Variants in AK8 observed in about 807,000 individuals in gnomAD.
AK8 encodes the protein ATP-AMP transphosphorylase 8.
AK8 carries 44 observed loss-of-function variants against 54.6 expected under a neutral mutation model. That is an observed-to-expected ratio of 0.81 (90% CI 0.63 to 1.04). The LOEUF is 1.04. AK8 is among the 50% of genes least tolerant of loss of function. The pLI is 0.00. For synonymous variants in AK8, 239 were observed against 245.6 expected, an observed-to-expected ratio of 0.97 and a Z score of 0.25; for missense variants, 555 against 613.6, an observed-to-expected ratio of 0.90 and a Z score of 1.01.
At chr9:132,789,352 C>T (rs1427427486) in intron 11 of AK8, among the ~76,000 whole-genome samples, 1 of 151,492 alleles carries the variant, frequency 6.6e-6, no homozygotes, top group Admixed American at 6.6e-5. Context: ...AATCCAAGCA[C>T]TTTGGGAGGC....
chr9:132,814,488 C>G (rs907565329), intron 10 of AK8, 150 bp downstream of exon 10: 1 of 707,420 alleles, frequency 1.4e-6, no homozygotes, highest in Non-Finnish European at 2.3e-6. Context: ...CGGAAGCAAG[C>G]AGCAGAGCCT....
intron 2 of AK8, 106 bp downstream of exon 2, chr9:132,875,009 T>C (rs1588246791): frequency 7.0e-7 from 1 of 1,421,032 alleles, no homozygotes; most frequent in Admixed American, 1.9e-5. Context: ...TGGGGCAGGG[T>C]TCCTGGAGAG....
intron 11 of AK8, among the ~76,000 whole-genome samples, chr9:132,788,514 A>G (rs1839810053): frequency 6.6e-6 from 1 of 152,274 alleles, no homozygotes; most frequent in East Asian, 1.9e-4. Context: ...CATAGCTGAC[A>G]GAAACCTTTA....
chr9:132,816,174 T>C (rs1841317759), intron 9 of AK8, among the ~76,000 whole-genome samples: 1 of 151,868 alleles, frequency 6.6e-6, no homozygotes, highest in Admixed American at 6.6e-5. Flanking sequence ...GCCAATATGG[T>C]GAAACTCCGT....
intron 10 of AK8, among the ~76,000 whole-genome samples, chr9:132,812,562 C>CACTGGGATGA (rs1841103035): frequency 7.1e-6 from 1 of 141,218 alleles, no homozygotes; most frequent in Admixed American, 7.0e-5. Flanking sequence ...GCCGCCGCGC[C>CACTGGGATGA]CGGCCGCTAG....
intron 11 of AK8, among the ~76,000 whole-genome samples, chr9:132,740,713 C>T (rs189965479): frequency 0.03 from 4,501 of 152,078 alleles, 94 homozygotes; most frequent in Non-Finnish European, 0.047. Flanking sequence ...AGCTGAGCAC[C>T]CCCCCGCCCC....
At chr9:132,792,919 A>G (rs577445119) in intron 10 of AK8, 144 bp from the exon 11 acceptor site, 11 of 1,056,284 alleles carry the variant, frequency 1.0e-5, no homozygotes, top group Non-Finnish European at 1.4e-5. Context: ...CAAGGTTGTC[A>G]GTGCCTATTT....
At position 132,854,908 on chromosome 9, in the gene AK8, C is replaced by A; in HGVS notation, c.351G>T (p.Leu117=). The A allele has an allele frequency of 1.2e-6, 2 of 1,614,024 alleles. No individual in the cohort carries two copies. The highest frequency in any genetic ancestry group is 1.7e-6 in the Non-Finnish European group (2 of 1,179,956). ...YLQRKTVPSA[L]LVQLIQERLA... The stretch of plus-strand genomic sequence containing the variant: ...GGCGTTCCTGAATCAGCTGGACGAG[C>A]AGCGCGCTGGGAACTGTCTGAAGGA... Residue 117 remains leucine, a synonymous_variant, in exon 5 of 13, where the codon CTG becomes CTT. Transcript: ENST00000298545.
chr9:132,741,316 A>G (rs1837380722), intron 11 of AK8, among the ~76,000 whole-genome samples: 1 of 152,222 alleles, frequency 6.6e-6, no homozygotes, highest in Non-Finnish European at 1.5e-5. Flanking sequence ...AAGTTCCCGC[A>G]TGCTCCTGGA....
At position 132,813,011 on chromosome 9, in the gene AK8, C is replaced by A. The variant is rs560189789; in HGVS notation, c.979+1627G>T. Among the ~76,000 whole-genome samples, 4 of 144,180 alleles carry A rather than the reference C, an allele frequency of 2.8e-5. No homozygotes were observed. The South Asian group carries it at 6.8e-4, about 25-fold the overall frequency. The allele number at this position is 144,180 out of a possible 152,430, so 94.6% of individuals were successfully genotyped here. On this transcript the variant is annotated intron_variant, in intron 10 of 12. Coordinates refer to ENST00000298545, the MANE Select transcript of AK8 (RefSeq NM_152572.3). ...ACCCAGGACCAGACCCGCTCACTGC[C>A]CTGCACCTACAGAGATCACCTCATT... is the stretch of plus-strand genomic sequence containing the variant.
rs2771993 is a variant in AK8 at position 132,837,417 on chromosome 9, G to C, written c.403-8691C>G. On this transcript the variant is annotated intron_variant, in intron 5 of 12. Coordinates refer to ENST00000298545, the MANE Select transcript of AK8 (RefSeq NM_152572.3). The surrounding 1 kb of genome is among the most constrained non-coding windows in gnomAD (Gnocchi z 4.3). ...GCCCTGCTAGCTCTCGGGAGCAGACGTGGCACCTCTGACTCTCTGCTCAGC... is the reference window on the plus strand; with the variant it reads ...GCCCTGCTAGCTCTCGGGAGCAGACCTGGCACCTCTGACTCTCTGCTCAGC... Among the ~76,000 whole-genome samples, 137,644 of 152,022 alleles carry C rather than the reference G, an allele frequency of 0.91. 62,497 individuals are homozygous for C. Among genetic ancestry groups the C allele is most frequent in the African/African-American group, 0.97 (40,106 of 41,470 alleles).
intron 5 of AK8, among the ~76,000 whole-genome samples, chr9:132,835,941 T>C (rs922759819): frequency 2.0e-5 from 3 of 152,106 alleles, no homozygotes; most frequent in Non-Finnish European, 2.9e-5. Flanking sequence ...CTGATCAACA[T>C]GGAGAAACCC....
At chr9:132,877,841 G>A (rs1200384114) in intron 1 of AK8, 6 of 577,214 alleles carry the variant, frequency 1.0e-5, no homozygotes, top group South Asian at 9.1e-5. Context: ...CTTGCAACCT[G>A]GCATTTCACA....
chr9:132,862,923 T>A (rs1843446804), intron 4 of AK8, among the ~76,000 whole-genome samples: 1 of 152,162 alleles, frequency 6.6e-6, no homozygotes, highest in Non-Finnish European at 1.5e-5. Flanking sequence ...AGTCCCTGCC[T>A]CAGCCTCCCA....
intron 11 of AK8, among the ~76,000 whole-genome samples, chr9:132,743,742 C>T (rs889390519): frequency 7.9e-5 from 12 of 152,158 alleles, no homozygotes; most frequent in Admixed American, 3.3e-4. Flanking sequence ...GTAGTAAGCA[C>T]GTTACATGCA....
At chr9:132,774,292 G>C (rs12349262) in intron 11 of AK8, among the ~76,000 whole-genome samples, 77,830 of 152,040 alleles carry the variant, frequency 0.51, 23,578 homozygotes, top group East Asian at 0.81. Flanking sequence ...GGAATCTGCA[G>C]AAATCTCAAA....
intron 5 of AK8, among the ~76,000 whole-genome samples, chr9:132,840,222 C>A (rs150740493): frequency 2.0e-5 from 3 of 152,178 alleles, no homozygotes; most frequent in Non-Finnish European, 4.4e-5. Flanking sequence ...CCAAAGCAAG[C>A]ATCAAGAAAG....
intron 12 of AK8, among the ~76,000 whole-genome samples, chr9:132,726,255 C>T (rs1836564514): frequency 6.6e-6 from 1 of 150,412 alleles, no homozygotes; most frequent in Admixed American, 6.6e-5. Flanking sequence ...ATCTCCCCTC[C>T]CTCCCCTATC....
chr9:132,752,080 G>T (rs1279153029), intron 11 of AK8, among the ~76,000 whole-genome samples: 1 of 151,432 alleles, frequency 6.6e-6, no homozygotes, highest in Non-Finnish European at 1.5e-5. Context: ...GACCTCAAAT[G>T]ATCCACGCGC....
Sources: allele counts gnomAD v4.1 joint callset (sites outside exome capture counted in the v4.1 genomes callset), GRCh38; gene constraint gnomAD v4.1.1; non-coding constraint Gnocchi (gnomAD v3.1); transcripts MANE v1.5; gene names NCBI Gene and HGNC (gene_info 2026-07-23, HGNC 2026-07-21).